Variants in ZNF577 observed in about 807,000 individuals in gnomAD.
The protein encoded by ZNF577 is zinc finger protein 577.
A neutral mutation model predicts 13.9 loss-of-function variants in ZNF577; 14 were observed. The observed-to-expected ratio is 1.00, with a 90% CI of 0.66 to 1.57. ZNF577 has a LOEUF of 1.57. Among genes scored for constraint, ZNF577 ranks in the 40% most tolerant of loss-of-function variants. The pLI is 0.00. For missense variants in ZNF577, 555 were observed against 579.2 expected, an observed-to-expected ratio of 0.96 and a Z score of 0.43; for synonymous variants, 203 against 202.9, an observed-to-expected ratio of 1.00 and a Z score of 0.00.
At chr19:51,885,336 T>G (rs1048753578) in intron 1 of ZNF577, among the ~76,000 whole-genome samples, 2 of 152,214 alleles carry the variant, frequency 1.3e-5, no homozygotes, top group Non-Finnish European at 2.9e-5. Context: ...TGTCTGCACC[T>G]TTACAGAAAG....
intron 2 of ZNF577, 137 bp from the exon 3 acceptor site, chr19:51,880,538 T>A: frequency 4.1e-6 from 3 of 727,518 alleles, no homozygotes; most frequent in Non-Finnish European, 4.6e-6. Flanking sequence ...TGCCAGGATT[T>A]TAAGATTCCA....
chr19:51,881,866 ACT>A (rs2084866711), intron 1 of ZNF577, among the ~76,000 whole-genome samples: 1 of 151,948 alleles, frequency 6.6e-6, no homozygotes, highest in Admixed American at 6.6e-5. Context: ...CACTCTAGAA[ACT>A]CACACTCTGA....
At chr19:51,810,150 G>C (rs1452311171) in intron 10 of ZNF577, among the ~76,000 whole-genome samples, 2 of 152,106 alleles carry the variant, frequency 1.3e-5, no homozygotes, top group African/African-American at 4.8e-5. Context: ...TTTGACCCTT[G>C]GCTCCTTTTA....
intron 4 of ZNF577, chr19:51,877,614 TA>T: frequency 2.7e-6 from 1 of 366,840 alleles, no homozygotes; most frequent in Non-Finnish European, 4.9e-6. Context: ...AAACAGAAAA[TA>T]ACAATTGTTG....
Position 51,872,629 on chromosome 19 carries a change from T to C in ZNF577, c.1361A>G (p.Gln454Arg). 1 of 1,614,178 alleles carries C rather than the reference T, an allele frequency of 6.2e-7. No individual in the cohort carries two copies. Reference sequence around the variant, plus strand: ...GAGGCTTATTCTCTGTTCAAATTCCTGATTAACTACAAAGGCTTGATTTCT... The same window carrying C: ...GAGGCTTATTCTCTGTTCAAATTCCCGATTAACTACAAAGGCTTGATTTCT... ...FPRNQAFVVN[Q>R]EFEQRISLTN... is the part of the protein sequence containing the mutation. The change falls in exon 6 of 6, where the codon CAG becomes CGG. Residue 454 changes from glutamine to arginine, a missense_variant. Physicochemically the swap from Gln to Arg is conservative, Grantham distance 43 (BLOSUM62 1). Transcript: ENST00000638348.
chr19:51,868,994 T>C lies in ZNF577; in HGVS notation c.*3538A>G, dbSNP rs922588976. On this transcript the variant is annotated 3_prime_UTR_variant, in exon 6 of 6. Transcript: ENST00000638348. ...CAGTCTCGAGTACCCAGGGACACAA[T>C]GCACTGCGGAAGGCCGCAGGGACCT... Among the ~76,000 whole-genome samples, 2 of 152,090 alleles carry C rather than the reference T, an allele frequency of 1.3e-5. No individual in the cohort carries two copies. Among genetic ancestry groups the C allele is most frequent in the Non-Finnish European group, 2.9e-5 (2 of 68,030 alleles).
At chr19:51,813,600 G>A (rs2084113383) in intron 9 of ZNF577, among the ~76,000 whole-genome samples, 4 of 151,714 alleles carry the variant, frequency 2.6e-5, no homozygotes, top group African/African-American at 9.7e-5. Context: ...GCGTGATCTC[G>A]GCTCACTGCA....
In ZNF577 at chr19:51,824,344, AG is replaced by A. The variant is rs2084214831; in HGVS notation, c.*600-12671del. 1 of 1,614,014 alleles carries A rather than the reference AG, an allele frequency of 6.2e-7. No homozygotes were observed. The highest frequency in any genetic ancestry group is 1.3e-5 in the African/African-American group (1 of 74,928). On this transcript the variant is annotated intron_variant and NMD_transcript_variant, in intron 9 of 10. Transcript: ENST00000638827. This position sits in a 1 kb window ranked among gnomAD's most constrained non-coding sequence, Gnocchi z 4.7. ...TTGAACGTGTTCATTACCATGGCCAAGGTCTTTCTGATCCTCCACTTCATTA... is the reference window on the plus strand; with the variant it reads ...TTGAACGTGTTCATTACCATGGCCAAGTCTTTCTGATCCTCCACTTCATTA...
chr19:51,836,174 T>C (rs2084286412), intron 9 of ZNF577, among the ~76,000 whole-genome samples: 1 of 152,358 alleles, frequency 6.6e-6, no homozygotes, highest in South Asian at 2.1e-4. Context: ...ACTCATCATG[T>C]GGAAATTTGC....
chr19:51,843,298 A>C (rs1272170764), exon 7 of ZNF577: 1 of 155,268 alleles, frequency 6.4e-6, no homozygotes, highest in Admixed American at 6.4e-5. Context: ...CAGCCACATC[A>C]TTGAATGATG....
Position 51,824,592 on chromosome 19 carries a change from G to A in ZNF577, c.*600-12918C>T, listed in dbSNP as rs369848179. 5.6e-6 allele frequency: 9 copies of A among 1,614,006 alleles called. No individual in the cohort carries two copies. The highest frequency in any genetic ancestry group is 1.6e-4 in the Middle Eastern group (1 of 6,084). On this transcript the variant is annotated intron_variant and NMD_transcript_variant, in intron 9 of 10. Coordinates refer to the ZNF577 transcript ENST00000638827. The surrounding 1 kb of genome is among the most constrained non-coding windows in gnomAD (Gnocchi z 4.7). ...AAATGGCAAATACAAAATCATTCTT[G>A]TCCTGATTAACCCAACAAGCTCCTT...
intron 5 of ZNF577, among the ~76,000 whole-genome samples, chr19:51,852,799 AATGTC>A (rs1200044591): frequency 7.2e-5 from 11 of 152,248 alleles, no homozygotes; most frequent in Non-Finnish European, 7.3e-5. Context: ...CACATGTTAA[AATGTC>A]ATGTGTGTGT....
intron 9 of ZNF577, among the ~76,000 whole-genome samples, chr19:51,827,836 G>T (rs887063987): frequency 2.0e-5 from 3 of 152,124 alleles, no homozygotes; most frequent in African/African-American, 7.2e-5. Flanking sequence ...CTTTCCTGAT[G>T]CACTGGCAAA....
intron 9 of ZNF577, among the ~76,000 whole-genome samples, chr19:51,814,872 C>T (rs2084123215): frequency 6.6e-6 from 1 of 150,620 alleles, no homozygotes. Context: ...TGCAGTGGCG[C>T]CATCTCAGCT....
intron 9 of ZNF577, among the ~76,000 whole-genome samples, chr19:51,821,547 G>A (rs969404613): frequency 2.0e-5 from 3 of 152,110 alleles, no homozygotes; most frequent in African/African-American, 7.2e-5. Flanking sequence ...ATTAAACAAT[G>A]TCCCATGAAA....
chr19:51,885,728 G>C (rs552266973), intron 1 of ZNF577, among the ~76,000 whole-genome samples: 1 of 152,028 alleles, frequency 6.6e-6, no homozygotes, highest in African/African-American at 2.4e-5. Flanking sequence ...CAGATGTCTC[G>C]AACTCCTGAT....
chr19:51,840,092 T>C (rs972903754), exon 9 of ZNF577: 6 of 152,198 alleles, frequency 3.9e-5, no homozygotes, highest in African/African-American at 7.2e-5. Flanking sequence ...GAGATGGCCA[T>C]TTTCTGGCGA....
At chr19:51,875,344 C>T (rs980237799) in intron 5 of ZNF577, among the ~76,000 whole-genome samples, 1 of 58,564 alleles carries the variant, frequency 1.7e-5, no homozygotes, top group Non-Finnish European at 3.4e-5. Context: ...ACCTGGGCAA[C>T]AAAAGCAAAA....
At chr19:51,844,425 G>A (rs78806369) in intron 6 of ZNF577, among the ~76,000 whole-genome samples, 2,390 of 152,182 alleles carry the variant, frequency 0.016, 42 homozygotes, top group Middle Eastern at 0.031. Flanking sequence ...TGATATCAAC[G>A]ATTTTATGTG....
Sources: gnomAD v4.1 joint callset for allele counts (sites outside exome capture counted in the v4.1 genomes callset) on GRCh38, gnomAD v4.1.1 for gene constraint, Gnocchi (gnomAD v3.1) non-coding constraint, MANE v1.5 for transcripts, NCBI Gene and HGNC (gene_info 2026-07-23, HGNC 2026-07-21) for gene names.